Variants in MFAP1 observed in about 807,000 individuals in gnomAD.
MFAP1 encodes the protein microfibrillar-associated protein 1.
In MFAP1, 18 loss-of-function variants were observed where a neutral mutation model predicts 62.2. That is an observed-to-expected ratio of 0.29 (90% CI 0.20 to 0.43). The LOEUF is 0.43. Ranked by LOEUF, MFAP1 falls within the 20% of genes least tolerant of loss-of-function variation. The probability of loss-of-function intolerance (pLI) is 1.00; values close to 1 mark genes in which losing one functional copy is unlikely to be tolerated. For missense variants in MFAP1, 355 were observed against 559.7 expected, an observed-to-expected ratio of 0.63 and a Z score of 3.69; for synonymous variants, 175 against 180.4, an observed-to-expected ratio of 0.97 and a Z score of 0.24.
In MFAP1 at chr15:43,809,740, C is replaced by T; in HGVS notation, c.1047+15G>A. ...TCCTACTGCCCAATTTTCTGACTCTCTTTTCACTTCTTACCATGAAGAAGG... is the reference window on the plus strand; with the variant it reads ...TCCTACTGCCCAATTTTCTGACTCTTTTTTCACTTCTTACCATGAAGAAGG... On this transcript the variant is annotated intron_variant, in intron 7 of 8. Transcript: ENST00000267812. 6.2e-7 allele frequency: 1 copy of T among 1,610,606 alleles called. No homozygotes were observed. The highest frequency in any genetic ancestry group is 8.5e-7 in the Non-Finnish European group (1 of 1,177,490).
intron 7 of MFAP1, 41 bp from the exon 8 acceptor site, chr15:43,805,506 CTATA>C: frequency 6.5e-7 from 1 of 1,531,312 alleles, no homozygotes; most frequent in Non-Finnish European, 8.9e-7. Context: ...GCTTTATTTC[CTATA>C]TATTCAAACC....
intron 2 of MFAP1, 132 bp downstream of exon 2, chr15:43,817,097 A>G (rs1396226664): frequency 6.4e-6 from 6 of 933,794 alleles, no homozygotes; most frequent in Non-Finnish European, 9.6e-6. Flanking sequence ...CACCTATTTC[A>G]TAAAGTTATT....
At position 43,813,324 on chromosome 15, in the gene MFAP1, G is replaced by T; in HGVS notation, c.651C>A (p.Ala217=). The T allele has an allele frequency of 6.2e-7, 1 of 1,610,184 alleles. No homozygotes were observed. Among genetic ancestry groups the T allele is most frequent in the Non-Finnish European group, 8.5e-7 (1 of 1,179,164 alleles). ...KDRVTVQERE[A]EALKQKELEQ... The stretch of plus-strand genomic sequence containing the variant: ...CCAGCTCCTTCTGTTTCAATGCTTC[G>T]GCTTCACGTTCTTGAACTGTCACTC... The change falls in exon 5 of 9, where the codon GCC becomes GCA. Residue 217 remains alanine, a synonymous_variant. Transcript: ENST00000267812.
intron 1 of MFAP1, among the ~76,000 whole-genome samples, chr15:43,820,156 A>G (rs892527764): frequency 6.6e-6 from 1 of 152,152 alleles, no homozygotes; most frequent in African/African-American, 2.4e-5. Context: ...CAAAAAAACA[A>G]AAAACCAAAA....
At chr15:43,821,395 A>G (rs1246172149) in intron 1 of MFAP1, among the ~76,000 whole-genome samples, 1 of 151,936 alleles carries the variant, frequency 6.6e-6, no homozygotes, top group African/African-American at 2.4e-5. Context: ...ATATGGAAGA[A>G]CAGGAGGCCC....
At chr15:43,814,784 C>G (rs1379736204) in intron 3 of MFAP1, 96 bp from the exon 4 acceptor site, 1 of 1,498,796 alleles carries the variant, frequency 6.7e-7, no homozygotes, top group African/African-American at 1.4e-5. Context: ...AAAGATACAA[C>G]TTAGTATCAT....
In MFAP1 at chr15:43,824,688, G is replaced by T; in HGVS notation, c.-119C>A. 1 of 1,000,518 alleles carries T rather than the reference G, an allele frequency of 1.0e-6. No individual in the cohort carries two copies. Among genetic ancestry groups the T allele is most frequent in the Non-Finnish European group, 1.5e-6 (1 of 646,036 alleles). The allele number at this position is 1,000,518 out of a possible 1,614,324, so 62.0% of individuals were successfully genotyped here. A position where few individuals can be genotyped will look rare whatever the true frequency, so the allele number is the denominator to read the frequency against. ...AGTCCGCGAACACAGCTGCGCGACT[G>T]ATAGAGAAACTACTTACGGCTGAGC... On this transcript the variant is annotated 5_prime_UTR_variant, in exon 1 of 9. Transcript: ENST00000267812.
chr15:43,807,918 G>A (rs2087376105), intron 7 of MFAP1, among the ~76,000 whole-genome samples: 1 of 152,180 alleles, frequency 6.6e-6, no homozygotes, highest in Non-Finnish European at 1.5e-5. Context: ...GGAGGCCAAG[G>A]TGGAAGGAGA....
chr15:43,809,468 T>C (rs1221561001), intron 7 of MFAP1, among the ~76,000 whole-genome samples: 1 of 151,238 alleles, frequency 6.6e-6, no homozygotes, highest in Admixed American at 6.6e-5. Flanking sequence ...TACCCCAGCC[T>C]GGGTGACAGC....
In MFAP1 at chr15:43,824,578, C is replaced by T. The variant is rs766000069; in HGVS notation, c.-9G>A. 2.5e-6 allele frequency: 4 copies of T among 1,614,116 alleles called. No individual in the cohort carries two copies. The South Asian group carries it at 3.3e-5, about 13-fold the overall frequency. ...GCGCTTGGGACCGACATGTTGATGG[C>T]AGCGACGGTGATTCCCGAAACTTGA... On this transcript the variant is annotated 5_prime_UTR_variant, in exon 1 of 9. Transcript: ENST00000267812.
At chr15:43,812,185 TGTC>T (rs1479529359) in intron 6 of MFAP1, among the ~76,000 whole-genome samples, 48 of 147,468 alleles carry the variant, frequency 3.3e-4, no homozygotes, top group African/African-American at 1.1e-3. Flanking sequence ...TGAAACTTCA[TGTC>T]AAAAAAAAAA....
At chr15:43,815,103 C>T in intron 2 of MFAP1, 29 bp from the exon 3 acceptor site, 1 of 1,612,896 alleles carries the variant, frequency 6.2e-7, no homozygotes, top group Non-Finnish European at 8.5e-7. Flanking sequence ...AAATGTAACA[C>T]CAATGTCATA....
chr15:43,818,266 A>G (rs1238508187), intron 1 of MFAP1, among the ~76,000 whole-genome samples: 3 of 151,820 alleles, frequency 2.0e-5, no homozygotes, highest in Non-Finnish European at 4.4e-5. Context: ...TGATCCGCCC[A>G]CCTCAGCCTC....
At chr15:43,817,115 T>C (rs947258317) in intron 2 of MFAP1, 114 bp downstream of exon 2, 6 of 1,059,208 alleles carry the variant, frequency 5.7e-6, no homozygotes, top group Non-Finnish European at 8.3e-6. Flanking sequence ...ATTGTATGGA[T>C]TACAAGAATT....
At chr15:43,822,692 G>T (rs922138437) in intron 1 of MFAP1, among the ~76,000 whole-genome samples, 2 of 152,036 alleles carry the variant, frequency 1.3e-5, no homozygotes, top group Non-Finnish European at 1.5e-5. Flanking sequence ...AACAGACAGG[G>T]TCTTGATCTG....
chr15:43,816,608 G>A (rs1241350940), intron 2 of MFAP1, among the ~76,000 whole-genome samples: 1 of 152,084 alleles, frequency 6.6e-6, no homozygotes, highest in East Asian at 1.9e-4. Flanking sequence ...AAGTTACTTG[G>A]CTCTAACTAC....
chr15:43,805,298 A>G, intron 8 of MFAP1, 22 bp from the exon 9 acceptor site: 1 of 1,596,466 alleles, frequency 6.3e-7, no homozygotes, highest in Non-Finnish European at 8.6e-7. Flanking sequence ...ATGGATGATG[A>G]GTTATACCAC....
chr15:43,822,978 A>G lies in MFAP1; in HGVS notation c.79+1513T>C, dbSNP rs1479032161. ...CTCAGCCTACCGAGTAGCTGGGATT[A>G]CAGGCGCCTGCCACCACACCTGGCT... On this transcript the variant is annotated intron_variant, in intron 1 of 8. Transcript: ENST00000267812. 4.0e-5 allele frequency among the ~76,000 whole-genome samples: 6 copies of G among 151,680 alleles called. No individual in the cohort carries two copies. The East Asian group carries it at 1.2e-3, about 29-fold the overall frequency.
At chr15:43,813,179 C>T (rs769709479) in intron 5 of MFAP1, 32 bp from the exon 6 acceptor site, 1 of 1,614,090 alleles carries the variant, frequency 6.2e-7, no homozygotes, top group Non-Finnish European at 8.5e-7. Flanking sequence ...GCTTGGACTT[C>T]CTTACTCTCC....
Sources: allele counts gnomAD v4.1 joint callset (sites outside exome capture counted in the v4.1 genomes callset), GRCh38; gene constraint gnomAD v4.1.1; transcripts MANE v1.5; gene names NCBI Gene and HGNC (gene_info 2026-07-23, HGNC 2026-07-21).